The following SGCZ variants were observed in gnomAD, a reference collection of about 807,000 sequenced individuals.
SGCZ encodes the protein zeta-sarcoglycan.
SGCZ carries 40 observed loss-of-function variants against 41.3 expected under a neutral mutation model. That is an observed-to-expected ratio of 0.97 (90% CI 0.75 to 1.26). The LOEUF (loss-of-function observed/expected upper bound fraction) is 1.26. Among genes scored for constraint, SGCZ ranks in the 50% most tolerant of loss-of-function variants. The pLI is 0.00. For missense variants in SGCZ, 552 were observed against 369.8 expected, an observed-to-expected ratio of 1.49 and a Z score of -4.04; for synonymous variants, 206 against 137.5, an observed-to-expected ratio of 1.50 and a Z score of -3.49.
intron 1 of SGCZ, among the ~76,000 whole-genome samples, chr8:14,583,779 C>G (rs779679880): frequency 6.6e-6 from 1 of 151,994 alleles, no homozygotes; most frequent in Middle Eastern, 3.2e-3. Flanking sequence ...GCATGCCAAT[C>G]ATCTATATGA....
chr8:15,078,135 G>A (rs1399046705), intron 1 of SGCZ, among the ~76,000 whole-genome samples: 2 of 145,512 alleles, frequency 1.4e-5, no homozygotes, highest in African/African-American at 5.2e-5. Flanking sequence ...CAGCCTGTTG[G>A]CAGGAACTCT....
intron 1 of SGCZ, among the ~76,000 whole-genome samples, chr8:14,765,114 T>G (rs1178695813): frequency 6.6e-6 from 1 of 152,212 alleles, no homozygotes; most frequent in Non-Finnish European, 1.5e-5. Context: ...GCTCACAGTT[T>G]CCAACATGCT....
chr8:14,761,672 T>C (rs1452546163), intron 1 of SGCZ, among the ~76,000 whole-genome samples: 1 of 151,660 alleles, frequency 6.6e-6, no homozygotes, highest in Admixed American at 6.6e-5. Flanking sequence ...ATTACCGGTA[T>C]GCGCCGCCAC....
At chr8:14,422,281 G>T (rs80168088) in intron 2 of SGCZ, among the ~76,000 whole-genome samples, 1 of 152,238 alleles carries the variant, frequency 6.6e-6, no homozygotes, top group Admixed American at 6.5e-5. Context: ...AATACAAGGA[G>T]TCTGGATCTT....
At chr8:14,990,564 C>T (rs1801976930) in intron 1 of SGCZ, among the ~76,000 whole-genome samples, 1 of 152,008 alleles carries the variant, frequency 6.6e-6, no homozygotes, top group African/African-American at 2.4e-5. Context: ...GAATCCAATG[C>T]CCAATGATTT....
chr8:14,280,773 CCTTT>C (rs1303051022), intron 3 of SGCZ, among the ~76,000 whole-genome samples: 2 of 146,380 alleles, frequency 1.4e-5, no homozygotes, highest in African/African-American at 2.5e-5. Context: ...TTAGCTTGAC[CCTTT>C]CTTCAGTGCT....
rs181745580 is a variant in SGCZ, at chr8:14,612,246, G to T, written c.40-57320C>A. ...GGAGGGAACTGTTGCCAGGTGATTG[G>T]ATCATGGGGTCAGTCTCCTCCATGC... On this transcript the variant is annotated intron_variant, in intron 1 of 7. Transcript: ENST00000382080. 2.0e-5 allele frequency among the ~76,000 whole-genome samples: 3 copies of T among 152,194 alleles called. No homozygotes were observed. In the East Asian group the frequency reaches 5.8e-4, roughly 30 times the overall value.
chr8:14,259,805 G>A (rs1251944577), intron 3 of SGCZ, among the ~76,000 whole-genome samples: 1 of 150,104 alleles, frequency 6.7e-6, no homozygotes, highest in African/African-American at 2.4e-5. Context: ...CTCTTTTTTG[G>A]TTCCATATGA....
intron 1 of SGCZ, among the ~76,000 whole-genome samples, chr8:15,131,174 C>G (rs941300614): frequency 3.3e-5 from 5 of 152,108 alleles, no homozygotes; most frequent in African/African-American, 1.2e-4. Flanking sequence ...GTGTCCCCAC[C>G]CAAATGTCAT....
chr8:14,927,866 T>C (rs1202210572), intron 1 of SGCZ, among the ~76,000 whole-genome samples: 1 of 152,148 alleles, frequency 6.6e-6, no homozygotes, highest in East Asian at 1.9e-4. Flanking sequence ...TCCCTACCCA[T>C]AACAGAAAAG....
intron 2 of SGCZ, among the ~76,000 whole-genome samples, chr8:14,325,896 A>G (rs1276259640): frequency 6.8e-6 from 1 of 147,372 alleles, no homozygotes; most frequent in Non-Finnish European, 1.5e-5. Context: ...GCGGATCACG[A>G]CGTCAGGAGA....
chr8:14,249,530 C>T (rs936505440), intron 3 of SGCZ, among the ~76,000 whole-genome samples: 1 of 152,112 alleles, frequency 6.6e-6, no homozygotes, highest in Non-Finnish European at 1.5e-5. Context: ...ACAAGGAGAC[C>T]TTGCAAGTAG....
chr8:15,024,332 T>G (rs1180422527), intron 1 of SGCZ, among the ~76,000 whole-genome samples: 4 of 152,164 alleles, frequency 2.6e-5, no homozygotes, highest in Non-Finnish European at 5.9e-5. Context: ...CTCAATTTGT[T>G]TATAGAAGCA....
intron 1 of SGCZ, among the ~76,000 whole-genome samples, chr8:14,878,149 G>A (rs921051401): frequency 6.6e-6 from 1 of 150,450 alleles, no homozygotes; most frequent in African/African-American, 2.4e-5. Context: ...GTAGACATGG[G>A]TTTACACTTG....
chr8:14,576,129 G>T (rs1257512037), intron 1 of SGCZ, among the ~76,000 whole-genome samples: 1 of 152,128 alleles, frequency 6.6e-6, no homozygotes, highest in East Asian at 1.9e-4. Context: ...ATTGATCTCT[G>T]TTAACTTGTA....
chr8:14,236,708 A>G (rs1287292131), intron 4 of SGCZ, among the ~76,000 whole-genome samples: 1 of 151,596 alleles, frequency 6.6e-6, no homozygotes, highest in Non-Finnish European at 1.5e-5. Context: ...ATAAACAGAT[A>G]TGTAATGTTT....
intron 1 of SGCZ, among the ~76,000 whole-genome samples, chr8:14,778,798 G>A (rs1800492959): frequency 6.6e-6 from 1 of 152,114 alleles, no homozygotes; most frequent in Non-Finnish European, 1.5e-5. Context: ...ACATTTGATT[G>A]GGATAAAGAA....
chr8:14,358,847 G>C (rs1453084874), intron 2 of SGCZ, among the ~76,000 whole-genome samples: 1 of 152,130 alleles, frequency 6.6e-6, no homozygotes, highest in Admixed American at 6.5e-5. Flanking sequence ...CTGACCTCGT[G>C]ATCCACCTGC....
At chr8:14,261,211 T>C (rs2117234699) in intron 3 of SGCZ, among the ~76,000 whole-genome samples, 1 of 152,332 alleles carries the variant, frequency 6.6e-6, no homozygotes, top group South Asian at 2.1e-4. Context: ...CTTGCCTCTT[T>C]TGCTAATACA....
Sources: gnomAD v4.1 joint callset for allele counts (sites outside exome capture counted in the v4.1 genomes callset) on GRCh38, gnomAD v4.1.1 for gene constraint, MANE v1.5 for transcripts, NCBI Gene and HGNC (gene_info 2026-07-23, HGNC 2026-07-21) for gene names.